STK31: variants seen among roughly 807,000 people sequenced by gnomAD.
STK31 encodes the protein serine/threonine kinase 31.
STK31 carries 89 observed loss-of-function variants against 129.7 expected under a neutral mutation model. That is an observed-to-expected ratio of 0.69 (90% CI 0.58 to 0.82). The LOEUF is 0.82. Among genes scored for constraint, STK31 ranks in the 40% least tolerant of loss-of-function variants. STK31 has a pLI of 0.00. For synonymous variants in STK31, 448 were observed against 395.3 expected (o/e 1.13, Z -1.58); for missense variants, 1,187 against 1,176.4 (o/e 1.01, Z -0.13).
chr7:23,753,291 A>C (rs145271324), intron 9 of STK31, among the ~76,000 whole-genome samples: 114 of 152,284 alleles, frequency 7.5e-4, no homozygotes, highest in African/African-American at 2.5e-3. Context: ...GTTTTCTTGG[A>C]ATACTGTGGT....
At chr7:23,829,244 G>C (rs1794398325) in intron 23 of STK31, among the ~76,000 whole-genome samples, 1 of 152,086 alleles carries the variant, frequency 6.6e-6, no homozygotes, top group South Asian at 2.1e-4. Flanking sequence ...ATTTAGTAAT[G>C]ATGTTAGCTG....
intron 15 of STK31, 57 bp from the exon 16 acceptor site, chr7:23,781,362 A>T: frequency 7.6e-7 from 1 of 1,319,008 alleles, no homozygotes; most frequent in Non-Finnish European, 1.1e-6. Context: ...TTGAATTCTT[A>T]AAAGAAGACT....
At chr7:23,727,774 C>T (rs773311199) in intron 5 of STK31, among the ~76,000 whole-genome samples, 3 of 151,654 alleles carry the variant, frequency 2.0e-5, no homozygotes, top group Admixed American at 6.6e-5. Flanking sequence ...GTTTGTCAGG[C>T]TGGTCGAACT....
intron 5 of STK31, among the ~76,000 whole-genome samples, chr7:23,727,863 C>A (rs1235172232): frequency 1.3e-5 from 2 of 151,770 alleles, no homozygotes; most frequent in East Asian, 3.9e-4. Flanking sequence ...CCCAGCCTGC[C>A]TCAGATCTTA....
At position 23,762,851 on chromosome 7, in the gene STK31, G is replaced by A. The variant is rs778733022; in HGVS notation, c.1344G>A (p.Leu448=). ...AAAGAAATGAAATGCAGCAGAAGCTGTACATGTCAGTAGAAGATTTTATTC... is the reference window on the plus strand; with the variant it reads ...AAAGAAATGAAATGCAGCAGAAGCTATACATGTCAGTAGAAGATTTTATTC... The part of the protein sequence containing the change: ...IAQRNEMQQK[L]YMSVEDFILE... Residue 448 remains leucine, a synonymous_variant, in exon 11 of 24, where the codon CTG becomes CTA. Transcript: ENST00000355870. 16 of 1,608,666 alleles carry A rather than the reference G, an allele frequency of 9.9e-6. No individual in the cohort carries two copies. Among genetic ancestry groups the A allele is most frequent in the Middle Eastern group, 3.3e-4 (2 of 6,078 alleles).
intron 23 of STK31, among the ~76,000 whole-genome samples, chr7:23,819,420 CTTTT>C (rs3034044): frequency 2.8e-5 from 4 of 144,792 alleles, no homozygotes; most frequent in Admixed American, 6.8e-5. Context: ...GATTTCTTTC[CTTTT>C]TTTTTTTTTT....
rs1003922460 is a variant in STK31, at chr7:23,739,260, C to T, written c.1017+2182C>T. ...GGGCTTTTTGTCATAGTTTTTTGGCCGCATAAATGTCTTCTTTTGAGAAGT... is the reference window on the plus strand; with the variant it reads ...GGGCTTTTTGTCATAGTTTTTTGGCTGCATAAATGTCTTCTTTTGAGAAGT... On this transcript the variant is annotated intron_variant, in intron 8 of 23. Coordinates refer to ENST00000355870, the MANE Select transcript of STK31 (RefSeq NM_031414.5). Among the ~76,000 whole-genome samples the T allele has an allele frequency of 3.4e-4, 51 of 152,196 alleles. 1 individual carries two copies. The highest frequency in any genetic ancestry group is 9.7e-4 in the East Asian group (5 of 5,176).
In STK31 at chr7:23,769,740, T is replaced by A; in HGVS notation, c.1697T>A (p.Leu566Gln). The A allele has an allele frequency of 1.2e-6, 2 of 1,606,764 alleles. No homozygotes were observed. The highest frequency in any genetic ancestry group is 1.7e-6 in the Non-Finnish European group (2 of 1,174,896). The change falls in exon 13 of 24, where the codon CTG (leucine) becomes CAG (glutamine). Residue 566 changes from leucine (L) to glutamine (Q), a missense_variant. Leu to Gln is a moderately radical substitution (Grantham distance 113). Around this residue, in one of 5 missense-constraint regions of STK31, gnomAD observed 975 missense variants for 934.9 expected, o/e 1.04. Coordinates refer to ENST00000355870, the MANE Select transcript of STK31 (RefSeq NM_031414.5). The stretch of plus-strand genomic sequence containing the variant: ...ACTGAGTCAAGTGTCTGCAAAGAGC[T>A]GGAGATAGCTCTGGTTGTGAGTATC... ...EKTESSVCKE[L>Q]EIALVDQGDA...
At chr7:23,772,069 C>T in intron 14 of STK31, 78 bp from the exon 15 acceptor site, 2 of 1,121,188 alleles carry the variant, frequency 1.8e-6, no homozygotes, top group Non-Finnish European at 1.2e-6. Context: ...TGAATCTTAA[C>T]AGAGAAATAA....
intron 22 of STK31, among the ~76,000 whole-genome samples, chr7:23,810,172 T>A (rs1261563316): frequency 6.6e-6 from 1 of 152,168 alleles, no homozygotes; most frequent in African/African-American, 2.4e-5. Context: ...TCTGTAGTAA[T>A]TTTCTTTGCT....
At chr7:23,768,747 C>G (rs940632327) in intron 11 of STK31, among the ~76,000 whole-genome samples, 18 of 152,108 alleles carry the variant, frequency 1.2e-4, no homozygotes, top group African/African-American at 3.9e-4. Context: ...TAATTAAAAA[C>G]CATAAGGATA....
At chr7:23,761,112 T>A (rs996854125) in intron 10 of STK31, among the ~76,000 whole-genome samples, 1 of 152,220 alleles carries the variant, frequency 6.6e-6, no homozygotes, top group Admixed American at 6.5e-5. Flanking sequence ...AAAACCTGCC[T>A]TATTTGTTTT....
intron 10 of STK31, among the ~76,000 whole-genome samples, chr7:23,759,914 G>T (rs564626243): frequency 6.6e-6 from 1 of 152,294 alleles, no homozygotes; most frequent in Admixed American, 6.5e-5. Context: ...TTGTAAACCA[G>T]AGTGGCTTTC....
intron 7 of STK31, 71 bp downstream of exon 7, chr7:23,735,967 G>T (rs940452136): frequency 7.6e-7 from 1 of 1,309,954 alleles, no homozygotes; most frequent in Non-Finnish European, 1.0e-6. Context: ...AGAAGTTAAG[G>T]CTTATGCTTT....
At chr7:23,711,891 G>A (rs1373518178) in intron 1 of STK31, among the ~76,000 whole-genome samples, 2 of 152,104 alleles carry the variant, frequency 1.3e-5, no homozygotes, top group East Asian at 3.9e-4. Flanking sequence ...TAAGGATAGA[G>A]ATTATATATG....
At chr7:23,792,057 G>C (rs1791653407) in intron 22 of STK31, among the ~76,000 whole-genome samples, 2 of 152,160 alleles carry the variant, frequency 1.3e-5, no homozygotes, top group African/African-American at 2.4e-5. Context: ...ACTACCCTTG[G>C]CTTGCAGCTG....
At chr7:23,772,922 A>G (rs1307059338) in intron 15 of STK31, among the ~76,000 whole-genome samples, 1 of 152,138 alleles carries the variant, frequency 6.6e-6, no homozygotes, top group Non-Finnish European at 1.5e-5. Flanking sequence ...CTGAGCACTG[A>G]ATTGGGGGTG....
At chr7:23,711,405 A>G (rs1399747188) in intron 1 of STK31, among the ~76,000 whole-genome samples, 1 of 151,322 alleles carries the variant, frequency 6.6e-6, no homozygotes, top group African/African-American at 2.4e-5. Context: ...AGCCTGAGCG[A>G]CAGAGCAAGA....
At chr7:23,745,298 C>G (rs1788282397) in intron 8 of STK31, among the ~76,000 whole-genome samples, 1 of 152,068 alleles carries the variant, frequency 6.6e-6, no homozygotes, top group Admixed American at 6.5e-5. Context: ...TGGACCTGTC[C>G]TCAGGTCCAG....
Sources: gnomAD v4.1 joint callset for allele counts (sites outside exome capture counted in the v4.1 genomes callset) on GRCh38, gnomAD v4.1.1 for gene constraint, gnomAD v4.1.1 regional missense constraint, MANE v1.5 for transcripts, NCBI Gene and HGNC (gene_info 2026-07-23, HGNC 2026-07-21) for gene names.